Variants in MUS81 observed in about 807,000 individuals in gnomAD.
MUS81 encodes the protein MUS81 structure-specific endonuclease subunit.
A neutral mutation model predicts 74.2 loss-of-function variants in MUS81; 69 were observed. That is an observed-to-expected ratio of 0.93 (90% CI 0.77 to 1.14). The LOEUF (loss-of-function observed/expected upper bound fraction) is 1.14, where lower values mean the gene tolerates loss of function less well. Ranked by LOEUF, MUS81 falls within the 50% of genes most tolerant of loss-of-function variation. MUS81 has a pLI of 0.00. For missense variants in MUS81, 711 were observed against 726.5 expected, an observed-to-expected ratio of 0.98 and a Z score of 0.25; for synonymous variants, 303 against 300.6, an observed-to-expected ratio of 1.01 and a Z score of -0.08.
chr11:65,867,601 T>G, downstream of MUS81: 2 of 523,786 alleles, frequency 3.8e-6, no homozygotes, highest in Non-Finnish European at 6.9e-6. Flanking sequence ...ATTCCCTTGG[T>G]TTGTGGGTGA....
rs780660986 is a variant in MUS81 at position 65,864,843 on chromosome 11, G to A, written c.1272+28G>A. ...GAGCAGAGGCCCCTTTCCCAGTGTC[G>A]GGACAGAGCCCACAAGGAATTCACC... is the stretch of plus-strand genomic sequence containing the variant. On this transcript the variant is annotated intron_variant, in intron 12 of 15. Transcript: ENST00000308110. 28 of 1,602,756 alleles carry A rather than the reference G, an allele frequency of 1.7e-5. No homozygotes were observed. The highest frequency in any genetic ancestry group is 1.1e-4 in the African/African-American group (8 of 74,614).
chr11:65,864,391 C>A, intron 10 of MUS81, 106 bp from the exon 11 acceptor site: 1 of 1,004,946 alleles, frequency 1.0e-6, no homozygotes, highest in Non-Finnish European at 1.6e-6. Context: ...CAGAGGCTAA[C>A]TGGTGGGAAC....
chr11:65,866,882 A>G, downstream of MUS81: 1 of 1,612,958 alleles, frequency 6.2e-7, no homozygotes, highest in African/African-American at 1.3e-5. Context: ...CTCCTCAGCT[A>G]GGGTAGCTGC....
In MUS81 at chr11:65,860,971, A is replaced by T; in HGVS notation, c.136-2A>T. 6.2e-7 allele frequency: 1 copy of T among 1,611,692 alleles called. No homozygotes were observed. Among genetic ancestry groups the T allele is most frequent in the Non-Finnish European group, 8.5e-7 (1 of 1,179,474 alleles). ...CCAGGTACCCTACCCCTGCCCGGCC[A>T]GGCGCTGCGTTCCCTCCGACGGTAC... On this transcript the variant is annotated splice_acceptor_variant, in intron 1 of 15. Coordinates refer to ENST00000308110, the MANE Select transcript of MUS81 (RefSeq NM_025128.5). LOFTEE classifies it high-confidence loss of function.
Position 65,863,059 on chromosome 11 carries a change from T to C in MUS81, c.606-6T>C. On this transcript the variant is annotated splice_region_variant and splice_polypyrimidine_tract_variant and intron_variant, in intron 6 of 15. Transcript: ENST00000308110. The stretch of plus-strand genomic sequence containing the variant: ...GTAGAGCTGTGTTGTCCCCTCTGCC[T>C]CCCAGGTACTCATTGACCCCAGAGG... 1 of 1,613,954 alleles carries C rather than the reference T, an allele frequency of 6.2e-7. No individual in the cohort carries two copies. The highest frequency in any genetic ancestry group is 8.5e-7 in the Non-Finnish European group (1 of 1,179,996).
Position 65,864,549 on chromosome 11 carries a change from A to T in MUS81, c.1112A>T (p.His371Leu). ...LERRVYLVEE[H>L]GSVHNLSLPE... Reference sequence around the variant, plus strand: ...CGCCGGGTATACCTGGTGGAAGAGCATGGTTCCGTCCACAACCTCAGCCTT... The same window carrying T: ...CGCCGGGTATACCTGGTGGAAGAGCTTGGTTCCGTCCACAACCTCAGCCTT... Residue 371 changes from histidine to leucine, a missense_variant, in exon 11 of 16, where the codon CAT (histidine) becomes CTT (leucine). His to Leu is a moderately conservative substitution (Grantham distance 99, BLOSUM62 -3). Coordinates refer to ENST00000308110, the MANE Select transcript of MUS81 (RefSeq NM_025128.5). 1 of 1,614,158 alleles carries T rather than the reference A, an allele frequency of 6.2e-7. No homozygotes were observed. The highest frequency in any genetic ancestry group is 8.5e-7 in the Non-Finnish European group (1 of 1,180,026).
Position 65,860,552 on chromosome 11 carries a change from C to A in MUS81, c.-202C>A. On this transcript the variant is annotated 5_prime_UTR_variant, in exon 1 of 16. Transcript: ENST00000308110. ...AGCGCCCCTGACCAACCACTTAGAG[C>A]AGCGCAGGGGTGGGAGGGCGGCCGC... 1 of 656,912 alleles carries A rather than the reference C, an allele frequency of 1.5e-6. No individual in the cohort carries two copies. The highest frequency in any genetic ancestry group is 2.6e-6 in the Non-Finnish European group (1 of 381,834). The allele number at this position is 656,912 out of a possible 1,614,324, so 40.7% of individuals were successfully genotyped here.
Position 65,862,214 on chromosome 11 carries a change from C to T in MUS81, c.454C>T (p.Pro152Ser). 6.2e-7 allele frequency: 1 copy of T among 1,613,542 alleles called. No homozygotes were observed. The highest frequency in any genetic ancestry group is 8.5e-7 in the Non-Finnish European group (1 of 1,179,974). Residue 152 changes from proline to serine, a missense_variant, in exon 5 of 16, where the codon CCT (proline) becomes TCT (serine). Pro to Ser is a moderately conservative substitution (Grantham distance 74, BLOSUM62 -1). Transcript: ENST00000308110. ...GTCTTTTCTACCTTGGTTTCAGAAT[C>T]CTAATGGTCACCACTTCTTAACCAA... ...LLVLYREHLN[P>S]NGHHFLTKEE...
At position 65,866,236 on chromosome 11, in the gene MUS81, A is replaced by G; in HGVS notation, c.*184A>G. On this transcript the variant is annotated 3_prime_UTR_variant, in exon 16 of 16. Coordinates refer to ENST00000308110, the MANE Select transcript of MUS81 (RefSeq NM_025128.5). The stretch of plus-strand genomic sequence containing the variant: ...AGGAACCAGGGATACCATCTGGTCC[A>G]GTGGTTTTTAAACAAAGCTGCTTAG... 2 of 639,138 alleles carry G rather than the reference A, an allele frequency of 3.1e-6. No homozygotes were observed. The highest frequency in any genetic ancestry group is 4.0e-5 in the South Asian group (2 of 50,058). 39.6% of individuals were successfully genotyped at this position (639,138 alleles called of 1,614,324 possible).
downstream of MUS81, chr11:65,867,145 C>T (rs146003201): frequency 9.2e-4 from 1,473 of 1,597,394 alleles, 11 homozygotes; most frequent in African/African-American, 0.017. Context: ...CCTGCCCCAG[C>T]GTCACCTCCC....
chr11:65,866,135 C>T lies in MUS81; in HGVS notation c.*83C>T, dbSNP rs1469395240. ...CCTTTTAACAACATCTTTTGGGGTA[C>T]AATTAGAATCTAAGTGTTTGCAGCC... On this transcript the variant is annotated 3_prime_UTR_variant, in exon 16 of 16. Transcript: ENST00000308110. 2 of 1,333,474 alleles carry T rather than the reference C, an allele frequency of 1.5e-6. No individual in the cohort carries two copies. The highest frequency in any genetic ancestry group is 2.1e-6 in the Non-Finnish European group (2 of 958,992). The allele number at this position is 1,333,474 out of a possible 1,614,324, so 82.6% of individuals were successfully genotyped here. A position where few individuals can be genotyped will look rare whatever the true frequency, so the allele number is the denominator to read the frequency against.
At position 65,862,210 on chromosome 11, in the gene MUS81, G is replaced by C; in HGVS notation, c.451-1G>C. On this transcript the variant is annotated splice_acceptor_variant, in intron 4 of 15. Coordinates refer to ENST00000308110, the MANE Select transcript of MUS81 (RefSeq NM_025128.5). LOFTEE classifies it high-confidence loss of function. ...CCCTGTCTTTTCTACCTTGGTTTCAGAATCCTAATGGTCACCACTTCTTAA... is the reference window on the plus strand; with the variant it reads ...CCCTGTCTTTTCTACCTTGGTTTCACAATCCTAATGGTCACCACTTCTTAA... 6.2e-7 allele frequency: 1 copy of C among 1,613,546 alleles called. No homozygotes were observed. The highest frequency in any genetic ancestry group is 8.5e-7 in the Non-Finnish European group (1 of 1,179,974).
chr11:65,863,938 T>C (rs1398471222), intron 10 of MUS81, 37 bp downstream of exon 10: 2 of 1,601,770 alleles, frequency 1.2e-6, no homozygotes, highest in East Asian at 2.2e-5. Flanking sequence ...CCCTGCCTGC[T>C]CCGAAGCCCC....
chr11:65,865,440 T>C lies in MUS81; in HGVS notation c.1505+117T>C, dbSNP rs1016115875. 7.5e-6 allele frequency: 8 copies of C among 1,067,776 alleles called. No individual in the cohort carries two copies. In the African/African-American group the frequency reaches 9.6e-5, roughly 13 times the overall value. 66.1% of individuals were successfully genotyped at this position (1,067,776 alleles called of 1,614,324 possible). ...TTGTGTGGGCTCTGCAGACCAGAGA[T>C]AGACAGATCCCAGGGTGCTCGTGGA... is the stretch of plus-strand genomic sequence containing the variant. On this transcript the variant is annotated intron_variant, in intron 14 of 15. Coordinates refer to ENST00000308110, the MANE Select transcript of MUS81 (RefSeq NM_025128.5).
At chr11:65,866,730 C>T, downstream of MUS81, 1 of 763,736 alleles carries the variant, frequency 1.3e-6, no homozygotes, top group Non-Finnish European at 2.3e-6. Context: ...TATAGAGACC[C>T]CCATTTAGGT....
downstream of MUS81, chr11:65,866,863 C>G (rs1859856430): frequency 1.9e-6 from 3 of 1,607,226 alleles, no homozygotes; most frequent in Non-Finnish European, 2.6e-6. Flanking sequence ...TTCTGCCCCT[C>G]ACAACAGGCT....
Position 65,860,759 on chromosome 11 carries a change from G to T in MUS81, c.6G>T (p.Ala2=). The change falls in exon 1 of 16, where the codon GCG becomes GCT. Residue 2 remains alanine (A), a synonymous_variant. Transcript: ENST00000308110. M[A]APVRLGRKRP... Reference sequence around the variant, plus strand: ...GAGGACCCGCCCTCGGGCTCATGGCGGCCCCGGTCCGCCTGGGCCGGAAGC... The same window carrying T: ...GAGGACCCGCCCTCGGGCTCATGGCTGCCCCGGTCCGCCTGGGCCGGAAGC... The T allele has an allele frequency of 6.5e-7, 1 of 1,533,972 alleles. No homozygotes were observed. Among genetic ancestry groups the T allele is most frequent in the Non-Finnish European group, 8.7e-7 (1 of 1,145,514 alleles).
chr11:65,862,218 A>G lies in MUS81; in HGVS notation c.458A>G (p.Asn153Ser). Residue 153 changes from asparagine to serine, a missense_variant, in exon 5 of 16, where the codon AAT (asparagine) becomes AGT (serine). By Grantham distance (46) the Asn-to-Ser change is conservative. Transcript: ENST00000308110. The stretch of plus-strand genomic sequence containing the variant: ...TTTCTACCTTGGTTTCAGAATCCTA[A>G]TGGTCACCACTTCTTAACCAAGGAG... ...LVLYREHLNP[N>S]GHHFLTKEEL... is the part of the protein sequence containing the mutation. 1.9e-6 allele frequency: 3 copies of G among 1,613,642 alleles called. No individual in the cohort carries two copies. Among genetic ancestry groups the G allele is most frequent in the Middle Eastern group, 3.5e-4 (2 of 5,732 alleles).
In MUS81 at chr11:65,863,092, G is replaced by T; in HGVS notation, c.633G>T (p.Glu211Asp). Residue 211 changes from glutamate to aspartate, a missense_variant, in exon 7 of 16, where the codon GAG becomes GAT. Transcript: ENST00000308110. ...ACTCATTGACCCCAGAGGGCCTGGA[G>T]CTGGCCCAGAAGTTGGCCGAGTCAG... Reference protein sequence around the residue: ...ARYSLTPEGLELAQKLAESEG... With the variant: ...ARYSLTPEGLDLAQKLAESEG... The T allele has an allele frequency of 6.2e-7, 1 of 1,614,162 alleles. No individual in the cohort carries two copies. The highest frequency in any genetic ancestry group is 8.5e-7 in the Non-Finnish European group (1 of 1,180,022).
Sources: allele counts gnomAD v4.1 joint callset, GRCh38; gene constraint gnomAD v4.1.1; transcripts MANE v1.5; gene names NCBI Gene and HGNC (gene_info 2026-07-23, HGNC 2026-07-21).